CLIP3: variants seen among roughly 807,000 people sequenced by gnomAD.
CLIP3 encodes the protein CAP-Gly domain-containing linker protein 3.
In CLIP3, 15 loss-of-function variants were observed where a neutral mutation model predicts 59.4. That is an observed-to-expected ratio of 0.25 (90% CI 0.17 to 0.39). CLIP3 has a LOEUF of 0.39. CLIP3 is among the 10% of genes least tolerant of loss of function. CLIP3 has a pLI of 1.00. For missense variants in CLIP3, 495 were observed against 765.7 expected, an observed-to-expected ratio of 0.65 and a Z score of 4.17; for synonymous variants, 300 against 321.6, an observed-to-expected ratio of 0.93 and a Z score of 0.72.
chr19:36,026,459 A>G lies in CLIP3; in HGVS notation c.562+127T>C. ...TGGTAGTCCCTGAGCCCCCTCTCCCACGCCTCCAACCTCCCGCTATCTCCT... is the reference window on the plus strand; with the variant it reads ...TGGTAGTCCCTGAGCCCCCTCTCCCGCGCCTCCAACCTCCCGCTATCTCCT... On this transcript the variant is annotated intron_variant, in intron 5 of 13. Coordinates refer to ENST00000360535, the MANE Select transcript of CLIP3 (RefSeq NM_015526.3). The surrounding 1 kb of genome is among the most constrained non-coding windows in gnomAD (Gnocchi z 6.3). 3.3e-6 allele frequency: 4 copies of G among 1,207,592 alleles called. No individual in the cohort carries two copies. The highest frequency in any genetic ancestry group is 4.4e-6 in the Non-Finnish European group (4 of 917,286). The allele number at this position is 1,207,592 out of a possible 1,614,324, so 74.8% of individuals were successfully genotyped here. A position where few individuals can be genotyped will look rare whatever the true frequency, so the allele number is the denominator to read the frequency against.
In CLIP3 at chr19:36,027,288, T is replaced by TC. The variant is rs1397165609; in HGVS notation, c.167-18dup. ...AGGTGAAAGCTGGGGTGGCAAGAGG[T>TC]CCAAGGTCACCCCACGCAACTGACC... On this transcript the variant is annotated splice_polypyrimidine_tract_variant and intron_variant, in intron 2 of 13. Transcript: ENST00000360535. 1 of 1,584,222 alleles carries TC rather than the reference T, an allele frequency of 6.3e-7. No homozygotes were observed. The highest frequency in any genetic ancestry group is 1.3e-5 in the African/African-American group (1 of 74,308).
In CLIP3 at chr19:36,017,433, T is replaced by A. The variant is rs144281463; in HGVS notation, c.1469A>T (p.Asp490Val). 1.2e-6 allele frequency: 2 copies of A among 1,613,936 alleles called. No individual in the cohort carries two copies. The highest frequency in any genetic ancestry group is 1.7e-6 in the Non-Finnish European group (2 of 1,180,018). The change falls in exon 12 of 14, where the codon GAT becomes GTT. Residue 490 changes from aspartate to valine, a missense_variant. Asp to Val is a radical substitution (Grantham distance 152). Coordinates refer to ENST00000360535, the MANE Select transcript of CLIP3 (RefSeq NM_015526.3). Reference sequence around the variant, plus strand: ...GGCTCCAACGCTGTCCCCGGGGGAATCAGTGGATCCGCCAATCCTGAGGAG... The same window carrying A: ...GGCTCCAACGCTGTCCCCGGGGGAAACAGTGGATCCGCCAATCCTGAGGAG... Reference protein sequence around the residue: ...SRIQRIGGSTDSPGDSVGAKK... With the variant: ...SRIQRIGGSTVSPGDSVGAKK...
intron 7 of CLIP3, among the ~76,000 whole-genome samples, chr19:36,020,859 T>C (rs1968933938): frequency 6.6e-6 from 1 of 152,054 alleles, no homozygotes; most frequent in African/African-American, 2.4e-5. Context: ...ATTGAAATTT[T>C]TTTTCTATTT....
chr19:36,028,510 C>T (rs1351910274), intron 2 of CLIP3, among the ~76,000 whole-genome samples: 1 of 152,132 alleles, frequency 6.6e-6, no homozygotes, highest in African/African-American at 2.4e-5. Flanking sequence ...GGCCCTGGCA[C>T]GTGGCAGGAA....
At position 36,032,218 on chromosome 19, in the gene CLIP3, G is replaced by A; in HGVS notation, c.140C>T (p.Ala47Val). 1 of 1,301,242 alleles carries A rather than the reference G, an allele frequency of 7.7e-7. No individual in the cohort carries two copies. The highest frequency in any genetic ancestry group is 9.9e-7 in the Non-Finnish European group (1 of 1,015,108). The allele number at this position is 1,301,242 out of a possible 1,614,324, so 80.6% of individuals were successfully genotyped here. A position where few individuals can be genotyped will look rare whatever the true frequency, so the allele number is the denominator to read the frequency against. Reference sequence around the variant, plus strand: ...GTAGTCCTTAGGGAGGGGGGCAGGTGCCGAGGGGTGCACAACAGGCTTCTG... The same window carrying A: ...GTAGTCCTTAGGGAGGGGGGCAGGTACCGAGGGGTGCACAACAGGCTTCTG... ...RRQKPVVHPS[A>V]PAPLPKDYAF... Residue 47 changes from alanine to valine, a missense_variant, in exon 2 of 14, where the codon GCA becomes GTA. Physicochemically the swap from Ala to Val is moderately conservative, Grantham distance 64 (BLOSUM62 0). Transcript: ENST00000360535. The surrounding 1 kb of genome is among the most constrained non-coding windows in gnomAD (Gnocchi z 4.3).
rs1030397679 is a variant in CLIP3, at chr19:36,015,653, A to C, written c.*505T>G. The C allele has an allele frequency of 5.9e-6, 1 of 169,354 alleles. No homozygotes were observed. Among genetic ancestry groups the C allele is most frequent in the Non-Finnish European group, 1.3e-5 (1 of 77,006 alleles). 10.5% of individuals were successfully genotyped at this position (169,354 alleles called of 1,614,324 possible). On this transcript the variant is annotated 3_prime_UTR_variant, in exon 14 of 14. Coordinates refer to ENST00000360535, the MANE Select transcript of CLIP3 (RefSeq NM_015526.3). ...GTTGGAATCTAAGGGCTTCAGGGTG[A>C]CCATGGGGTCACGACATCTTGAGAG...
Position 36,032,017 on chromosome 19 carries a change from C to T in CLIP3, c.166+175G>A. The T allele has an allele frequency of 4.9e-6, 2 of 408,722 alleles. No individual in the cohort carries two copies. Among genetic ancestry groups the T allele is most frequent in the Non-Finnish European group, 8.8e-6 (2 of 227,268 alleles). The allele number at this position is 408,722 out of a possible 1,614,324, so 25.3% of individuals were successfully genotyped here. A position where few individuals can be genotyped will look rare whatever the true frequency, so the allele number is the denominator to read the frequency against. ...TCAAAGACTAGGAGTATTACAATTCCATTCTCCAATGGGTGAATGAATGAA... is the reference window on the plus strand; with the variant it reads ...TCAAAGACTAGGAGTATTACAATTCTATTCTCCAATGGGTGAATGAATGAA... On this transcript the variant is annotated intron_variant, in intron 2 of 13. Transcript: ENST00000360535. The surrounding 1 kb of genome is among the most constrained non-coding windows in gnomAD (Gnocchi z 4.3).
At chr19:36,027,326 C>T in intron 2 of CLIP3, 55 bp from the exon 3 acceptor site, 1 of 1,539,436 alleles carries the variant, frequency 6.5e-7, no homozygotes, top group Non-Finnish European at 8.7e-7. Flanking sequence ...CTCCTTCCAG[C>T]CTCAGTAGGG....
At chr19:36,027,915 G>A (rs1334620665) in intron 2 of CLIP3, among the ~76,000 whole-genome samples, 1 of 151,042 alleles carries the variant, frequency 6.6e-6, no homozygotes, top group Non-Finnish European at 1.5e-5. Flanking sequence ...GCGCATTGGT[G>A]CTACTCAAGG....
At position 36,018,978 on chromosome 19, in the gene CLIP3, G is replaced by A. The variant is rs776810803; in HGVS notation, c.1103C>T (p.Pro368Leu). ...SKISKAVDAPPSSVTSTPRTP... is the reference protein window; with the variant it reads ...SKISKAVDAPLSSVTSTPRTP... Reference sequence around the variant, plus strand: ...CCGGGGTGTGGAGGTGACAGAGGAGGGGGGTGCGTCCACTGCCTTGGAGAT... The same window carrying A: ...CCGGGGTGTGGAGGTGACAGAGGAGAGGGGTGCGTCCACTGCCTTGGAGAT... The change falls in exon 9 of 14, where the codon CCC becomes CTC. Residue 368 changes from proline to leucine, a missense_variant. By Grantham distance (98) the Pro-to-Leu change is moderately conservative. This residue lies in a region of CLIP3 where 179 missense variants were observed against 226.2 expected (regional missense o/e 0.79). Transcript: ENST00000360535. 3.7e-6 allele frequency: 6 copies of A among 1,605,826 alleles called. No individual in the cohort carries two copies. The highest frequency in any genetic ancestry group is 5.1e-6 in the Non-Finnish European group (6 of 1,176,102).
intron 12 of CLIP3, 141 bp downstream of exon 12, chr19:36,017,245 G>T: frequency 1.1e-6 from 1 of 888,466 alleles, no homozygotes; most frequent in Non-Finnish European, 1.8e-6. Flanking sequence ...ATCTTTTTGT[G>T]GACCTTGTCT....
chr19:36,028,994 C>CTGTTTT, intron 2 of CLIP3, among the ~76,000 whole-genome samples: 1 of 132,606 alleles, frequency 7.5e-6, no homozygotes, highest in Non-Finnish European at 1.5e-5. Flanking sequence ...CCATCTCCTA[C>CTGTTTT]TCTTTTTTTT....
At chr19:36,024,302 G>A in intron 7 of CLIP3, 94 bp downstream of exon 7, 2 of 1,038,016 alleles carry the variant, frequency 1.9e-6, no homozygotes, top group Non-Finnish European at 2.8e-6. Context: ...ACAAAGGGCA[G>A]GGACTGCACT....
In CLIP3 at chr19:36,017,462, C is replaced by G. The variant is rs373851791; in HGVS notation, c.1452-12G>C. The stretch of plus-strand genomic sequence containing the variant: ...TGGATCCGCCAATCCTGAGGAGACA[C>G]GGGGAGGGGGAGAAGTCAGAGCCAC... On this transcript the variant is annotated splice_polypyrimidine_tract_variant and intron_variant, in intron 11 of 13. Transcript: ENST00000360535. The G allele has an allele frequency of 6.2e-7, 1 of 1,613,670 alleles. No individual in the cohort carries two copies. Among genetic ancestry groups the G allele is most frequent in the Middle Eastern group, 1.7e-4 (1 of 5,928 alleles).
Position 36,014,925 on chromosome 19 carries a change from T to C in CLIP3, c.*1233A>G, listed in dbSNP as rs1228098852. The C allele has an allele frequency of 1.3e-5, 2 of 152,270 alleles. No individual in the cohort carries two copies. The highest frequency in any genetic ancestry group is 2.9e-5 in the Non-Finnish European group (2 of 68,072). The allele number at this position is 152,270 out of a possible 1,614,324, so 9.4% of individuals were successfully genotyped here. A position where few individuals can be genotyped will look rare whatever the true frequency, so the allele number is the denominator to read the frequency against. ...CTTGGGGCCTTCCATTTATTAGAGA[T>C]GGAGGCTTTAGGATTTGGGGTTCCC... On this transcript the variant is annotated 3_prime_UTR_variant, in exon 14 of 14. Transcript: ENST00000360535.
At chr19:36,025,554 G>A (rs1398299957) in intron 6 of CLIP3, among the ~76,000 whole-genome samples, 1 of 146,352 alleles carries the variant, frequency 6.8e-6, no homozygotes, top group African/African-American at 2.6e-5. Flanking sequence ...TTGCACCACT[G>A]CACTCCAGCC....
At chr19:36,023,546 T>C (rs1969009195) in intron 7 of CLIP3, among the ~76,000 whole-genome samples, 1 of 151,974 alleles carries the variant, frequency 6.6e-6, no homozygotes, top group Non-Finnish European at 1.5e-5. Context: ...TTGACAGCCC[T>C]TGTTGCTACC....
Position 36,032,449 on chromosome 19 carries a change from G to A in CLIP3, c.-58-34C>T, listed in dbSNP as rs117241055. 4,000 of 563,612 alleles carry A rather than the reference G, an allele frequency of 7.1e-3. 152 individuals are homozygous for A. In the East Asian group the frequency reaches 0.078, roughly 11 times the overall value. 34.9% of individuals were successfully genotyped at this position (563,612 alleles called of 1,614,324 possible). On this transcript the variant is annotated intron_variant, in intron 1 of 13. Coordinates refer to ENST00000360535, the MANE Select transcript of CLIP3 (RefSeq NM_015526.3). The surrounding 1 kb of genome is among the most constrained non-coding windows in gnomAD (Gnocchi z 4.3). The stretch of plus-strand genomic sequence containing the variant: ...AGAGGTCAGCTGGAGAGGGTGCCCG[G>A]CAGGCTCCAGGGTCCAAGCCCCTAG...
In CLIP3 at chr19:36,019,620, T is replaced by C. The variant is rs944070118; in HGVS notation, c.919-314A>G. On this transcript the variant is annotated intron_variant, in intron 7 of 13. Transcript: ENST00000360535. ...TTTATTTTATTTATTTTTTTTTTTT[T>C]CGAGACAGCGTCTCACTCTGTTGCC... 6.0e-5 allele frequency among the ~76,000 whole-genome samples: 9 copies of C among 150,988 alleles called. No individual in the cohort carries two copies. In the East Asian group the frequency reaches 1.6e-3, roughly 26 times the overall value.
Sources: gnomAD v4.1 joint callset for allele counts (sites outside exome capture counted in the v4.1 genomes callset) on GRCh38, gnomAD v4.1.1 for gene constraint, gnomAD v4.1.1 regional missense constraint, Gnocchi (gnomAD v3.1) non-coding constraint, MANE v1.5 for transcripts, NCBI Gene and HGNC (gene_info 2026-07-23, HGNC 2026-07-21) for gene names.